FLNA: variants seen among roughly 807,000 people sequenced by gnomAD.
The protein encoded by FLNA is filamin-A.
A neutral mutation model predicts 157.6 loss-of-function variants in FLNA; 7 were observed. That is an observed-to-expected ratio of 0.04 (90% CI 0.03 to 0.08). The LOEUF (loss-of-function observed/expected upper bound fraction) is 0.08. Ranked by LOEUF, FLNA falls within the 10% of genes least tolerant of loss-of-function variation. The pLI, the probability that FLNA is intolerant of heterozygous loss-of-function variation, is 1.00. For synonymous variants in FLNA, 1,103 were observed against 1,060.8 expected, an observed-to-expected ratio of 1.04 and a Z score of -0.77; for missense variants, 1,750 against 2,398.4, an observed-to-expected ratio of 0.73 and a Z score of 5.65.
chrX:154,349,839 C>T lies in FLNA; in HGVS notation c.7362G>A (p.Thr2454=), dbSNP rs369179210. 68 of 1,209,945 alleles carry T rather than the reference C, an allele frequency of 5.6e-5. No individual in the cohort carries two copies. Among genetic ancestry groups the T allele is most frequent in the Non-Finnish European group, 6.9e-5 (62 of 895,051 alleles). Residue 2454 remains threonine, a synonymous_variant, in exon 46 of 48, where the codon ACG becomes ACA. Transcript: ENST00000369850. ...TGNPAEFVVN[T]SNAGAGALSV... is the part of the protein sequence containing the mutation. Reference sequence around the variant, plus strand: ...ACAGGGCACCAGCTCCCGCATTGCTCGTGTTCACGACGAACTCAGCTGGGT... The same window carrying T: ...ACAGGGCACCAGCTCCCGCATTGCTTGTGTTCACGACGAACTCAGCTGGGT...
At chrX:154,350,346 C>T (rs1474453995) in intron 44 of FLNA, 139 bp from the exon 45 acceptor site, 6 of 538,430 alleles carry the variant, frequency 1.1e-5, no homozygotes, top group Non-Finnish European at 1.9e-5. Context: ...TGGGCACCTG[C>T]ACCCCGCAGC....
intron 9 of FLNA, among the ~76,000 whole-genome samples, chrX:154,365,791 T>C (rs908029162): frequency 9.1e-6 from 1 of 110,356 alleles, no homozygotes; most frequent in Non-Finnish European, 1.9e-5. Context: ...TCTAGACAGC[T>C]GGAGCGAGCT....
At chrX:154,358,679 T>G in intron 26 of FLNA, 111 bp from the exon 27 acceptor site, 2 of 965,820 alleles carry the variant, frequency 2.1e-6, no homozygotes, top group Non-Finnish European at 2.9e-6. Flanking sequence ...CGCTTTATCC[T>G]CATCCACCCG....
chrX:154,349,435 C>T lies in FLNA; in HGVS notation c.7683G>A (p.Val2561=), dbSNP rs781983475. 2.5e-6 allele frequency: 3 copies of T among 1,212,167 alleles called. No individual in the cohort carries two copies. The highest frequency in any genetic ancestry group is 3.5e-5 in the South Asian group (2 of 57,079). ...CCTTGCTCAGCCCCAGGCCCTTGGC[C>T]ACCACCTTGCTGGCGTCAGCAGGCC... The part of the protein sequence containing the change: ...GPGPADASKV[V]AKGLGLSKAY... Residue 2561 remains valine (V), a synonymous_variant, in exon 47 of 48, where the codon GTG becomes GTA. Coordinates refer to ENST00000369850, the MANE Select transcript of FLNA (RefSeq NM_001110556.2).
chrX:154,350,644 G>T, intron 44 of FLNA: 1 of 399,640 alleles, frequency 2.5e-6, no homozygotes, highest in Non-Finnish European at 4.4e-6. Flanking sequence ...TGGCTGAAGG[G>T]CCGGGCAGCA....
chrX:154,360,128 G>T lies in FLNA; in HGVS notation c.3667C>A (p.Pro1223Thr). 8.3e-7 allele frequency: 1 copy of T among 1,210,767 alleles called. No individual in the cohort carries two copies. Residue 1223 changes from proline (P) to threonine (T), a missense_variant, in exon 22 of 48, where the codon CCC becomes ACC. Pro to Thr is a conservative substitution (Grantham distance 38). This residue lies in a region of FLNA where 970 missense variants were observed against 1,302.6 expected (regional missense o/e 0.74). Transcript: ENST00000369850. ...ACGGTGTAGGCCCCGGGGCAGAGGG[G>T]AATGTAGGTAATGGTGTGCGTGCCA... is the stretch of plus-strand genomic sequence containing the variant. ...GDGTHTITYI[P>T]LCPGAYTVTI...
chrX:154,353,865 G>A, intron 35 of FLNA, 50 bp downstream of exon 35: 1 of 1,208,838 alleles, frequency 8.3e-7, no homozygotes, highest in African/African-American at 1.7e-5. Context: ...CCTTACCCCG[G>A]TGAGGGCATC....
At position 154,356,769 on chromosome X, in the gene FLNA, C is replaced by T. The variant is rs188924001; in HGVS notation, c.4969+482G>A. ...GACACTGGCGCTACTGCACTACCAG[C>T]CAGCCCCACCCGCTCATGCACCTCC... is the stretch of plus-strand genomic sequence containing the variant. On this transcript the variant is annotated intron_variant, in intron 30 of 47. Transcript: ENST00000369850. 4.3e-3 allele frequency among the ~76,000 whole-genome samples: 485 copies of T among 112,849 alleles called. 3 individuals carry two copies. The highest frequency in any genetic ancestry group is 0.015 in the African/African-American group (466 of 31,088).
Position 154,360,095 on chromosome X carries a change from T to C in FLNA, c.3700A>G (p.Lys1234Glu). The C allele has an allele frequency of 8.3e-7, 1 of 1,211,014 alleles. No individual in the cohort carries two copies. Among genetic ancestry groups the C allele is most frequent in the Non-Finnish European group, 1.1e-6 (1 of 895,244 alleles). Residue 1234 changes from lysine to glutamate, a missense_variant, in exon 22 of 48, where the codon AAG becomes GAG. Physicochemically the swap from Lys to Glu is moderately conservative, Grantham distance 56. This residue lies in a region of FLNA where 970 missense variants were observed against 1,302.6 expected (regional missense o/e 0.74). Coordinates refer to ENST00000369850, the MANE Select transcript of FLNA (RefSeq NM_001110556.2). Reference sequence around the variant, plus strand: ...TTGGGCACGGGCTGGCCGCCGTACTTGATGGTGACGGTGTAGGCCCCGGGG... The same window carrying C: ...TTGGGCACGGGCTGGCCGCCGTACTCGATGGTGACGGTGTAGGCCCCGGGG... Reference protein sequence around the residue: ...LCPGAYTVTIKYGGQPVPNFP... With the variant: ...LCPGAYTVTIEYGGQPVPNFP...
At chrX:154,357,838 C>T (rs1557177170) in intron 28 of FLNA, among the ~76,000 whole-genome samples, 2 of 112,885 alleles carry the variant, frequency 1.8e-5, no homozygotes, top group African/African-American at 6.4e-5. Context: ...ACAGGCGCGG[C>T]CAGCCAGCTT....
Position 154,348,913 on chromosome X carries a change from G to C in FLNA, c.7880C>G (p.Thr2627Arg), listed in dbSNP as rs782573110. Reference sequence around the variant, plus strand: ...CTCGTCCCCCCATTTGACCACCAGTGTGTACTCCCCCTTGTCCTTGAGCAG... The same window carrying C: ...CTCGTCCCCCCATTTGACCACCAGTCTGTACTCCCCCTTGTCCTTGAGCAG... ...SYLLKDKGEY[T>R]LVVKWGDEHI... Residue 2627 changes from threonine to arginine, a missense_variant, in exon 48 of 48, where the codon ACA becomes AGA. Thr to Arg is a moderately conservative substitution (Grantham distance 71, BLOSUM62 -1). Coordinates refer to ENST00000369850, the MANE Select transcript of FLNA (RefSeq NM_001110556.2). 2.5e-6 allele frequency: 3 copies of C among 1,209,630 alleles called. No homozygotes were observed. The African/African-American group carries it at 5.2e-5, about 21-fold the overall frequency.
At position 154,362,327 on chromosome X, in the gene FLNA, C is replaced by T. The variant is rs1208353421; in HGVS notation, c.2571G>A (p.Thr857=). The change falls in exon 18 of 48, where the codon ACG becomes ACA. Residue 857 remains threonine, a synonymous_variant. Transcript: ENST00000369850. Reference sequence around the variant, plus strand: ...CCTTGACTCGGATGGGGCTGGTGGGCGTGGCCTGCAGGCAGTGGGAGGAGA... The same window carrying T: ...CCTTGACTCGGATGGGGCTGGTGGGTGTGGCCTGCAGGCAGTGGGAGGAGA... ...TIMVLFADQA[T]PTSPIRVKVE... 33 of 1,208,881 alleles carry T rather than the reference C, an allele frequency of 2.7e-5. No individual in the cohort carries two copies. Among genetic ancestry groups the T allele is most frequent in the African/African-American group, 2.4e-4 (14 of 57,164 alleles).
At chrX:154,370,813 G>C in intron 2 of FLNA, 60 bp downstream of exon 2, 1 of 1,167,403 alleles carries the variant, frequency 8.6e-7, no homozygotes, top group Non-Finnish European at 1.2e-6. Flanking sequence ...CGCCCGGGGA[G>C]ATGGAAGGAC....
chrX:154,365,919 A>G, intron 9 of FLNA, 105 bp downstream of exon 9: 1 of 724,566 alleles, frequency 1.4e-6, no homozygotes, highest in Non-Finnish European at 2.0e-6. Context: ...CTCAAAGAGT[A>G]GGGGCCCCGG....
In FLNA at chrX:154,362,126, G is replaced by A. The variant is rs1557178154; in HGVS notation, c.2679C>T (p.Thr893=). ...SRTGVELGKP[T]HFTVNAKAAG... ...CAGCTTTGGCATTTACTGTGAAGTG[G>A]GTGGGCTTGCCAAGCTCGACACCTG... The change falls in exon 19 of 48, where the codon ACC becomes ACT. Residue 893 remains threonine (T), a synonymous_variant. Coordinates refer to ENST00000369850, the MANE Select transcript of FLNA (RefSeq NM_001110556.2). The A allele has an allele frequency of 8.3e-7, 1 of 1,211,854 alleles. No individual in the cohort carries two copies. The highest frequency in any genetic ancestry group is 1.1e-6 in the Non-Finnish European group (1 of 895,461).
In FLNA at chrX:154,359,465, C is replaced by G; in HGVS notation, c.4142+19G>C. 1 of 1,211,724 alleles carries G rather than the reference C, an allele frequency of 8.3e-7. No homozygotes were observed. On this transcript the variant is annotated intron_variant, in intron 24 of 47. Coordinates refer to ENST00000369850, the MANE Select transcript of FLNA (RefSeq NM_001110556.2). ...TTCCCAGGCCCACCAGCCACACGGG[C>G]TCCTGGGGGCTCCCTTACCTGGTCT...
intron 30 of FLNA, among the ~76,000 whole-genome samples, chrX:154,356,049 C>T (rs1207341565): frequency 8.9e-6 from 1 of 112,475 alleles, no homozygotes; most frequent in Admixed American, 9.3e-5. Context: ...AGGCAGCTCT[C>T]CCAGGCTCCA....
chrX:154,371,889 C>T (rs1281297697), intron 1 of FLNA, among the ~76,000 whole-genome samples: 5 of 113,628 alleles, frequency 4.4e-5, no homozygotes, highest in Non-Finnish European at 1.9e-5. Context: ...TAAGAGCGAA[C>T]CCCTGGAGAG....
chrX:154,368,764 G>A (rs1603363431), intron 2 of FLNA, among the ~76,000 whole-genome samples: 1 of 113,235 alleles, frequency 8.8e-6, no homozygotes, highest in East Asian at 2.8e-4. Context: ...GGGGCCCAGA[G>A]CCCAAAGGAA....
Sources: gnomAD v4.1 joint callset for allele counts (sites outside exome capture counted in the v4.1 genomes callset) on GRCh38, gnomAD v4.1.1 for gene constraint, gnomAD v4.1.1 regional missense constraint, MANE v1.5 for transcripts, NCBI Gene and HGNC (gene_info 2026-07-23, HGNC 2026-07-21) for gene names.